IFT140: variants seen among roughly 807,000 people sequenced by gnomAD.
IFT140 encodes the protein intraflagellar transport protein 140 homolog.
Under a neutral mutation model 164.6 loss-of-function variants are expected in IFT140, and 133 were observed. That is an observed-to-expected ratio of 0.81 (90% confidence interval 0.70 to 0.93). The LOEUF is 0.93. IFT140 is among the 40% of genes least tolerant of loss of function. The pLI is 0.00. For missense variants in IFT140, 2,045 were observed against 1,972.3 expected (o/e 1.04, Z -0.70); for synonymous variants, 860 against 817.3 (o/e 1.05, Z -0.89).
At chr16:1,577,877 C>T (rs1480373629) in intron 13 of IFT140, 1 of 151,944 alleles carries the variant, frequency 6.6e-6, no homozygotes, top group East Asian at 1.9e-4. Flanking sequence ...CCTTGCTGTA[C>T]CTCCCTTTAT....
At chr16:1,525,117 C>G in intron 22 of IFT140, 114 bp downstream of exon 22, 1 of 1,165,662 alleles carries the variant, frequency 8.6e-7, no homozygotes, top group South Asian at 1.3e-5. Context: ...GCCGGGAGGA[C>G]GCTGCCCACT....
intron 7 of IFT140, among the ~76,000 whole-genome samples, chr16:1,588,667 C>T (rs1045898245): frequency 6.6e-6 from 1 of 151,940 alleles, no homozygotes; most frequent in African/African-American, 2.4e-5. Context: ...TCTGGGCAGG[C>T]CTATCATCCC....
chr16:1,572,311 C>T (rs944081285), intron 13 of IFT140, among the ~76,000 whole-genome samples: 1 of 152,182 alleles, frequency 6.6e-6, no homozygotes, highest in African/African-American at 2.4e-5. Flanking sequence ...TTGGCCTTTC[C>T]AGCATGTTAG....
intron 1 of IFT140, 80 bp from the exon 2 acceptor site, chr16:1,610,933 G>A (rs2036299758): frequency 6.6e-6 from 1 of 152,354 alleles, no homozygotes; most frequent in Non-Finnish European, 1.5e-5. Flanking sequence ...TTTGTGTGGA[G>A]GGCGCGCTGT....
At chr16:1,535,398 C>A (rs971760515) in intron 19 of IFT140, among the ~76,000 whole-genome samples, 1 of 152,196 alleles carries the variant, frequency 6.6e-6, no homozygotes, top group African/African-American at 2.4e-5. Context: ...GACACAAGGT[C>A]TCCCAAAGGC....
At chr16:1,550,365 T>C (rs2032533819) in intron 19 of IFT140, among the ~76,000 whole-genome samples, 1 of 152,242 alleles carries the variant, frequency 6.6e-6, no homozygotes, top group African/African-American at 2.4e-5. Context: ...ATTAGAATGG[T>C]CGACCCATTC....
At chr16:1,606,450 G>C (rs1050059421) in intron 3 of IFT140, among the ~76,000 whole-genome samples, 44 of 152,314 alleles carry the variant, frequency 2.9e-4, no homozygotes, top group African/African-American at 9.9e-4. Context: ...AACTGATGAC[G>C]GATGTCGTTT....
Position 1,542,634 on chromosome 16 carries a change from G to A in IFT140, c.2399+15301C>T, listed in dbSNP as rs149536914. ...GTCAGCGCAGGCCCTTTCCGTGAGC[G>A]GGACAAGACAGAGTGAGAACACGCT... On this transcript the variant is annotated intron_variant, in intron 19 of 30. Coordinates refer to ENST00000426508, the MANE Select transcript of IFT140 (RefSeq NM_014714.4). Among the ~76,000 whole-genome samples, 28 of 152,382 alleles carry A rather than the reference G, an allele frequency of 1.8e-4. No homozygotes were observed. In the East Asian group the frequency reaches 4.2e-3, roughly 23 times the overall value.
At chr16:1,572,860 C>T (rs1424584228) in intron 13 of IFT140, among the ~76,000 whole-genome samples, 2 of 152,228 alleles carry the variant, frequency 1.3e-5, no homozygotes, top group African/African-American at 2.4e-5. Context: ...GTGAGTGGCA[C>T]ATCCCCAGGG....
chr16:1,585,475 G>A (rs1596413084), intron 10 of IFT140, among the ~76,000 whole-genome samples: 1 of 152,132 alleles, frequency 6.6e-6, no homozygotes, highest in East Asian at 1.9e-4. Flanking sequence ...AACTGTTCTA[G>A]AATTCACTGC....
At chr16:1,588,602 G>A (rs911490012) in intron 7 of IFT140, among the ~76,000 whole-genome samples, 2 of 151,994 alleles carry the variant, frequency 1.3e-5, no homozygotes, top group Admixed American at 6.5e-5. Context: ...CGGTGGACAT[G>A]CTCTGGAGTG....
intron 19 of IFT140, among the ~76,000 whole-genome samples, chr16:1,544,712 G>A (rs1439170534): frequency 4.6e-5 from 7 of 150,584 alleles, no homozygotes; most frequent in Non-Finnish European, 8.9e-5. Context: ...GCAGTGGCGC[G>A]ATCTCGGCTC....
At chr16:1,607,644 T>C (rs985091403) in intron 2 of IFT140, among the ~76,000 whole-genome samples, 7 of 152,220 alleles carry the variant, frequency 4.6e-5, no homozygotes, top group African/African-American at 1.7e-4. Context: ...TCTATTTCTG[T>C]AGTTCCCTTT....
chr16:1,554,734 C>A, intron 19 of IFT140: 1 of 1,601,630 alleles, frequency 6.2e-7, no homozygotes. Context: ...AGGAGTGGAA[C>A]CCGCCTTCCT....
chr16:1,572,332 C>T (rs932640792), intron 13 of IFT140, among the ~76,000 whole-genome samples: 3 of 152,196 alleles, frequency 2.0e-5, no homozygotes, highest in South Asian at 2.1e-4. Context: ...AAAGCACGTC[C>T]CACAGTCGGC....
At chr16:1,608,316 A>C (rs939598116) in intron 2 of IFT140, among the ~76,000 whole-genome samples, 9 of 152,222 alleles carry the variant, frequency 5.9e-5, no homozygotes, top group African/African-American at 2.2e-4. Flanking sequence ...CTGGCAGAGA[A>C]GAACATACTT....
At position 1,525,924 on chromosome 16, in the gene IFT140, G is replaced by T; in HGVS notation, c.2731C>A (p.Leu911Met). The change falls in exon 21 of 31, where the codon CTG (leucine) becomes ATG (methionine). Residue 911 changes from leucine to methionine, a missense_variant. Coordinates refer to ENST00000426508, the MANE Select transcript of IFT140 (RefSeq NM_014714.4). ...CGGCTGCAGTCGGCGCTGGCCTCCA[G>T]GTGCCCGGCATAGCGGTGGTAGGTG... is the stretch of plus-strand genomic sequence containing the variant. Reference protein sequence around the residue: ...RSTYHRYAGHLEASADCSRAL... With the variant: ...RSTYHRYAGHMEASADCSRAL... 6.4e-7 allele frequency: 1 copy of T among 1,567,898 alleles called. No individual in the cohort carries two copies. The highest frequency in any genetic ancestry group is 8.6e-7 in the Non-Finnish European group (1 of 1,158,258).
chr16:1,525,431 C>T, intron 21 of IFT140, 105 bp from the exon 22 acceptor site: 1 of 849,632 alleles, frequency 1.2e-6, no homozygotes, highest in Non-Finnish European at 2.0e-6. Context: ...AGCGGTGGCC[C>T]TCGGGGTGTG....
intron 21 of IFT140, 27 bp from the exon 22 acceptor site, chr16:1,525,353 C>A: frequency 6.4e-7 from 1 of 1,564,280 alleles, no homozygotes; most frequent in South Asian, 1.1e-5. Context: ...CAGAGGTCCT[C>A]GTTCCCTCCC....
Sources: gnomAD v4.1 joint callset for allele counts (sites outside exome capture counted in the v4.1 genomes callset) on GRCh38, gnomAD v4.1.1 for gene constraint, MANE v1.5 for transcripts, NCBI Gene and HGNC (gene_info 2026-07-23, HGNC 2026-07-21) for gene names.